TCF12: variants seen among roughly 807,000 people sequenced by gnomAD.
TCF12 encodes the protein DNA-binding protein HTF4.
Under a neutral mutation model 86.0 loss-of-function variants are expected in TCF12, and 45 were observed. The ratio of observed to expected loss-of-function variants is 0.52; its 90% CI spans 0.41 to 0.67. TCF12 has a LOEUF of 0.67. Ranked by LOEUF, TCF12 falls within the 30% of genes least tolerant of loss-of-function variation. The probability of loss-of-function intolerance (pLI) is 0.00; values close to 1 mark genes in which losing one functional copy is unlikely to be tolerated. For synonymous variants in TCF12, 330 were observed against 299.6 expected (o/e 1.10, Z -1.05); for missense variants, 881 against 859.9 (o/e 1.02, Z -0.31).
intron 3 of TCF12, among the ~76,000 whole-genome samples, chr15:57,016,131 G>A (rs1345072948): frequency 6.6e-6 from 1 of 152,180 alleles, no homozygotes; most frequent in Non-Finnish European, 1.5e-5. Context: ...GAGTCATCCG[G>A]TTAGGATAGG....
At chr15:56,988,592 A>C (rs2063305171) in intron 3 of TCF12, among the ~76,000 whole-genome samples, 1 of 151,872 alleles carries the variant, frequency 6.6e-6, no homozygotes, top group Admixed American at 6.5e-5. Context: ...AGTTATAAAG[A>C]GCACAAAGAG....
intron 5 of TCF12, among the ~76,000 whole-genome samples, chr15:57,153,484 A>G (rs1567526274): frequency 1.3e-5 from 2 of 152,246 alleles, no homozygotes; most frequent in Non-Finnish European, 2.9e-5. Context: ...AGAAATGGTA[A>G]TAATGAAAGT....
intron 3 of TCF12, 122 bp downstream of exon 3, chr15:56,921,220 C>T (rs1056324269): frequency 3.6e-6 from 2 of 559,514 alleles, no homozygotes; most frequent in Non-Finnish European, 5.4e-6. Context: ...GGAATTGAGT[C>T]AAGTGATAAT....
At chr15:57,159,481 G>A (rs999931037) in intron 5 of TCF12, among the ~76,000 whole-genome samples, 2 of 152,144 alleles carry the variant, frequency 1.3e-5, no homozygotes, top group African/African-American at 2.4e-5. Context: ...AGGGGGAGGA[G>A]GATAGTCTGC....
chr15:57,178,335 A>G (rs11636201), intron 6 of TCF12, among the ~76,000 whole-genome samples: 58,500 of 152,102 alleles, frequency 0.38, 14,084 homozygotes, highest in Non-Finnish European at 0.53. Flanking sequence ...GACGTCCAGT[A>G]CGTAATGTTT....
intron 18 of TCF12, among the ~76,000 whole-genome samples, chr15:57,264,651 C>T (rs1295889449): frequency 1.3e-5 from 2 of 152,174 alleles, no homozygotes; most frequent in Non-Finnish European, 2.9e-5. Flanking sequence ...TCTTCCACCT[C>T]CACATCTTGT....
At chr15:57,277,943 G>T (rs1177844735) in intron 19 of TCF12, among the ~76,000 whole-genome samples, 1 of 140,500 alleles carries the variant, frequency 7.1e-6, no homozygotes, top group African/African-American at 2.6e-5. Context: ...CTGTCTCAAA[G>T]AAAAAAAAAA....
intron 5 of TCF12, among the ~76,000 whole-genome samples, chr15:57,121,386 G>A (rs554961002): frequency 2.6e-5 from 4 of 152,284 alleles, no homozygotes; most frequent in Admixed American, 2.0e-4. Flanking sequence ...TTGAATGATG[G>A]TATCTGCTCC....
intron 5 of TCF12, among the ~76,000 whole-genome samples, chr15:57,114,654 G>A (rs1376412866): frequency 2.0e-5 from 3 of 152,096 alleles, no homozygotes; most frequent in Admixed American, 1.3e-4. Flanking sequence ...GGGACAGGTA[G>A]GGTGGAAAGG....
chr15:57,120,171 C>G (rs1164223734), intron 5 of TCF12, among the ~76,000 whole-genome samples: 2 of 152,218 alleles, frequency 1.3e-5, no homozygotes, highest in Non-Finnish European at 2.9e-5. Flanking sequence ...CTCGGATGTA[C>G]ATTGGTAATG....
At chr15:57,042,054 A>G (rs1304186032) in intron 3 of TCF12, among the ~76,000 whole-genome samples, 5 of 152,132 alleles carry the variant, frequency 3.3e-5, no homozygotes, top group Admixed American at 1.3e-4. Context: ...TTTTCTAGCC[A>G]TTGCCTGCAT....
chr15:57,148,382 C>T (rs2053513839), intron 5 of TCF12, among the ~76,000 whole-genome samples: 1 of 148,528 alleles, frequency 6.7e-6, no homozygotes, highest in Admixed American at 6.8e-5. Context: ...CACTGCACTC[C>T]AGCCTGGGCA....
intron 5 of TCF12, among the ~76,000 whole-genome samples, chr15:57,102,427 G>A (rs1486012324): frequency 6.6e-6 from 1 of 152,028 alleles, no homozygotes; most frequent in Non-Finnish European, 1.5e-5. Flanking sequence ...GCAAAGCCCC[G>A]TCTCTACTAA....
chr15:57,034,452 G>A (rs2066383358), intron 3 of TCF12, among the ~76,000 whole-genome samples: 1 of 151,942 alleles, frequency 6.6e-6, no homozygotes, highest in South Asian at 2.1e-4. Flanking sequence ...GAGAAACAAA[G>A]GAAATTAATA....
chr15:56,972,840 T>C (rs1238233898), intron 3 of TCF12, among the ~76,000 whole-genome samples: 1 of 152,130 alleles, frequency 6.6e-6, no homozygotes. Flanking sequence ...AACATAGTTA[T>C]GGAGGGGAGG....
intron 4 of TCF12, among the ~76,000 whole-genome samples, chr15:57,090,545 T>G (rs1331166322): frequency 6.6e-6 from 1 of 152,212 alleles, no homozygotes; most frequent in South Asian, 2.1e-4. Flanking sequence ...TGTAATGATT[T>G]GACAGTTATT....
At chr15:56,976,365 G>A (rs1305076544) in intron 3 of TCF12, among the ~76,000 whole-genome samples, 1 of 150,694 alleles carries the variant, frequency 6.6e-6, no homozygotes, top group Non-Finnish European at 1.5e-5. Context: ...CAAGTAGCTG[G>A]AAGTACAGGC....
At chr15:56,994,082 T>C (rs2063580539) in intron 3 of TCF12, among the ~76,000 whole-genome samples, 1 of 151,798 alleles carries the variant, frequency 6.6e-6, no homozygotes, top group African/African-American at 2.4e-5. Flanking sequence ...AACTGAAAAA[T>C]ACAATAAGTT....
At chr15:57,272,759 T>G (rs774985197) in intron 18 of TCF12, among the ~76,000 whole-genome samples, 12 of 152,242 alleles carry the variant, frequency 7.9e-5, no homozygotes, top group Non-Finnish European at 1.2e-4. Context: ...CTTATATTTA[T>G]GAAGAGTTTC....
Sources: gnomAD v4.1 joint callset for allele counts (sites outside exome capture counted in the v4.1 genomes callset) on GRCh38, gnomAD v4.1.1 for gene constraint, MANE v1.5 for transcripts, NCBI Gene and HGNC (gene_info 2026-07-23, HGNC 2026-07-21) for gene names.